ARHGAP24: variants seen among roughly 807,000 people sequenced by gnomAD.
ARHGAP24 encodes rho GTPase-activating protein 24.
Under a neutral mutation model 76.4 loss-of-function variants are expected in ARHGAP24, and 50 were observed. The observed-to-expected ratio is 0.65, with a 90% CI of 0.52 to 0.83. The LOEUF is 0.83. Ranked by LOEUF, ARHGAP24 falls within the 40% of genes least tolerant of loss-of-function variation. The pLI is 0.00. For synonymous variants in ARHGAP24, 345 were observed against 323.3 expected, an observed-to-expected ratio of 1.07 and a Z score of -0.72; for missense variants, 930 against 914.2, an observed-to-expected ratio of 1.02 and a Z score of -0.22.
At chr4:85,535,303 T>C (rs1468461724) in intron 1 of ARHGAP24, among the ~76,000 whole-genome samples, 2 of 152,206 alleles carry the variant, frequency 1.3e-5, no homozygotes, top group African/African-American at 4.8e-5. Context: ...AGACACAAAG[T>C]ATCCTACTTA....
At chr4:85,990,604 CAG>C (rs1740265441) in intron 8 of ARHGAP24, 1 of 151,710 alleles carries the variant, frequency 6.6e-6, no homozygotes, top group Non-Finnish European at 1.5e-5. Context: ...TGAAATAGAA[CAG>C]ATAGTCCAGA....
At chr4:85,499,420 G>A (rs1418320182) in intron 1 of ARHGAP24, among the ~76,000 whole-genome samples, 1 of 152,214 alleles carries the variant, frequency 6.6e-6, no homozygotes, top group African/African-American at 2.4e-5. Flanking sequence ...ATGGCTTTAA[G>A]TGGGAGAGAA....
At chr4:85,973,833 G>GTTCT (rs1739136996) in intron 6 of ARHGAP24, among the ~76,000 whole-genome samples, 4 of 42,820 alleles carry the variant, frequency 9.3e-5, no homozygotes, top group Non-Finnish European at 1.7e-4. Flanking sequence ...GCTGCCTATT[G>GTTCT]TTTTTTTTTT....
At chr4:85,819,343 A>T (rs1231335389) in intron 3 of ARHGAP24, among the ~76,000 whole-genome samples, 1 of 152,310 alleles carries the variant, frequency 6.6e-6, no homozygotes, top group African/African-American at 2.4e-5. Context: ...TCTGATTGCA[A>T]TCTCATTTGA....
At chr4:85,515,154 T>A (rs1382396969) in intron 1 of ARHGAP24, among the ~76,000 whole-genome samples, 2 of 152,020 alleles carry the variant, frequency 1.3e-5, no homozygotes, top group African/African-American at 4.8e-5. Context: ...GAACTTTCAG[T>A]CACCCTGCAT....
chr4:85,530,871 G>A (rs1725230308), intron 1 of ARHGAP24, among the ~76,000 whole-genome samples: 2 of 152,030 alleles, frequency 1.3e-5, no homozygotes, highest in Non-Finnish European at 2.9e-5. Context: ...TAATTAATGA[G>A]TAAATAAATG....
rs540565873 is a variant in ARHGAP24, at chr4:85,661,685, A to T, written c.181-60200A>T. Reference sequence around the variant, plus strand: ...CTCCCCCCTTCCCCCACCCCACAACAGTCCCCAGAGTGTGATGTTCCCCTT... The same window carrying T: ...CTCCCCCCTTCCCCCACCCCACAACTGTCCCCAGAGTGTGATGTTCCCCTT... On this transcript the variant is annotated intron_variant, in intron 2 of 9. Transcript: ENST00000395184. 1.1e-3 allele frequency among the ~76,000 whole-genome samples: 165 copies of T among 149,822 alleles called. 6 individuals carry two copies. The South Asian group carries it at 0.034, about 31-fold the overall frequency.
At chr4:85,518,903 A>G (rs1393739928) in intron 1 of ARHGAP24, among the ~76,000 whole-genome samples, 3 of 152,164 alleles carry the variant, frequency 2.0e-5, no homozygotes, top group South Asian at 4.1e-4. Context: ...TGCTGGATCA[A>G]ATGGTAGTTC....
chr4:85,531,052 G>A (rs776288784), intron 1 of ARHGAP24, among the ~76,000 whole-genome samples: 29 of 151,964 alleles, frequency 1.9e-4, no homozygotes, highest in Admixed American at 1.3e-3. Context: ...GTGTGTGCAT[G>A]AAATCGTTTT....
rs535156545 is a variant in ARHGAP24 at position 85,574,040 on chromosome 4, T to C, written c.180+3319T>C. 1.2e-4 allele frequency among the ~76,000 whole-genome samples: 18 copies of C among 152,372 alleles called. No individual in the cohort carries two copies. The South Asian group carries it at 3.7e-3, about 32-fold the overall frequency. On this transcript the variant is annotated intron_variant, in intron 2 of 9. Coordinates refer to ENST00000395184, the MANE Select transcript of ARHGAP24 (RefSeq NM_001025616.3). ...TGAGTAAAATTTTAAAAATTCTTTC[T>C]TTTAAACATTCCTAACCAGCTGGAA...
rs572779272 is a variant in ARHGAP24 at position 85,685,550 on chromosome 4, G to A, written c.181-36335G>A. 5.5e-3 allele frequency among the ~76,000 whole-genome samples: 837 copies of A among 151,782 alleles called. 2 individuals are homozygous for A. The highest frequency in any genetic ancestry group is 8.4e-3 in the Non-Finnish European group (571 of 67,922). On this transcript the variant is annotated intron_variant, in intron 2 of 9. Coordinates refer to ENST00000395184, the MANE Select transcript of ARHGAP24 (RefSeq NM_001025616.3). ...CAGGAGGCTGAGGCAGGAGAATGGC[G>A]TGAACCCAGGAGGTGGAGTTTGCAG...
chr4:85,485,347 CAAAAAAAAAAAAAA>C (rs1157207535), intron 1 of ARHGAP24, among the ~76,000 whole-genome samples: 1 of 6,724 alleles, frequency 1.5e-4, no homozygotes, highest in African/African-American at 4.1e-4. Context: ...GACTCCATCT[CAAAAAAAAAAAAAA>C]AAAAAAAAAA....
At position 85,612,121 on chromosome 4, in the gene ARHGAP24, C is replaced by CACACACACAG. The variant is rs1050041217; in HGVS notation, c.180+41401_180+41402insCACACACAGA. 7.7e-5 allele frequency among the ~76,000 whole-genome samples: 11 copies of CACACACACAG among 142,334 alleles called. No individual in the cohort carries two copies. The South Asian group carries it at 1.3e-3, about 17-fold the overall frequency. The allele number at this position is 142,334 out of a possible 152,430, so 93.4% of individuals were successfully genotyped here. ...ACACACACACACACACACACACACA[C>CACACACACAG]AGACCAGTGTATAGCTGCCGGGCGC... On this transcript the variant is annotated intron_variant, in intron 2 of 9. Coordinates refer to ENST00000395184, the MANE Select transcript of ARHGAP24 (RefSeq NM_001025616.3).
Position 86,002,049 on chromosome 4 carries a change from G to C in ARHGAP24, c.*1327G>C, listed in dbSNP as rs547086438. On this transcript the variant is annotated 3_prime_UTR_variant, in exon 10 of 10. Transcript: ENST00000395184. ...AGGGCTCTTTGGAGCTAGAGTTTTG[G>C]GAGAACAGTTCTTCACAATAAGGCA... 6.6e-5 allele frequency: 10 copies of C among 152,150 alleles called. No individual in the cohort carries two copies. The highest frequency in any genetic ancestry group is 1.5e-4 in the Non-Finnish European group (10 of 68,010). The allele number at this position is 152,150 out of a possible 1,614,324, so 9.4% of individuals were successfully genotyped here. A position where few individuals can be genotyped will look rare whatever the true frequency, so the allele number is the denominator to read the frequency against.
intron 3 of ARHGAP24, among the ~76,000 whole-genome samples, chr4:85,856,440 A>G (rs186049895): frequency 5.6e-4 from 84 of 151,200 alleles, no homozygotes; most frequent in Non-Finnish European, 1.6e-4. Flanking sequence ...TACTTTTTTA[A>G]TAATAAAAGA....
At chr4:85,506,369 G>C (rs1724047637) in intron 1 of ARHGAP24, among the ~76,000 whole-genome samples, 2 of 152,240 alleles carry the variant, frequency 1.3e-5, no homozygotes, top group South Asian at 2.1e-4. Context: ...TATAGAGGCA[G>C]TATACCTTGC....
At chr4:85,591,416 C>T (rs1052912223) in intron 2 of ARHGAP24, among the ~76,000 whole-genome samples, 3 of 152,144 alleles carry the variant, frequency 2.0e-5, no homozygotes, top group Non-Finnish European at 2.9e-5. Context: ...CAATGCTCAT[C>T]TGCTTTCTAC....
intron 1 of ARHGAP24, among the ~76,000 whole-genome samples, chr4:85,563,582 A>G (rs1397520102): frequency 2.6e-5 from 4 of 152,186 alleles, no homozygotes; most frequent in African/African-American, 9.7e-5. Flanking sequence ...TCCAAATACC[A>G]TCACACTGGG....
chr4:85,477,143 T>C (rs571039322), intron 1 of ARHGAP24, among the ~76,000 whole-genome samples: 2 of 152,310 alleles, frequency 1.3e-5, no homozygotes, highest in East Asian at 3.9e-4. Flanking sequence ...AGATCTGGAA[T>C]TTAGTTTGAG....
Sources: allele counts gnomAD v4.1 joint callset (sites outside exome capture counted in the v4.1 genomes callset), GRCh38; gene constraint gnomAD v4.1.1; transcripts MANE v1.5; gene names NCBI Gene and HGNC (gene_info 2026-07-23, HGNC 2026-07-21).